Variants in HNRNPA3 observed in about 807,000 individuals in gnomAD.
HNRNPA3 encodes the protein epididymis secretory sperm binding protein.
In HNRNPA3, 3 loss-of-function variants were observed where a neutral mutation model predicts 45.8. The observed-to-expected ratio is 0.07, with a 90% CI of 0.03 to 0.17. The LOEUF is 0.17. Ranked by LOEUF, HNRNPA3 falls within the 10% of genes least tolerant of loss-of-function variation. The pLI is 1.00. For synonymous variants in HNRNPA3, 170 were observed against 155.6 expected (o/e 1.09, Z -0.69); for missense variants, 183 against 480.3 (o/e 0.38, Z 5.79).
rs1281410240 is a variant in HNRNPA3 at position 177,218,071 on chromosome 2, T to C, written c.961+226T>C. Among the ~76,000 whole-genome samples the C allele has an allele frequency of 4.4e-5, 3 of 68,276 alleles. 1 individual carries two copies. Among genetic ancestry groups the C allele is most frequent in the Admixed American group, 1.7e-4 (1 of 5,766 alleles). 44.8% of individuals were successfully genotyped at this position (68,276 alleles called of 152,430 possible). ...TTTTTTCTTTTTTTTTTTTTTTTTT[T>C]TTTTTTTTGAGATGGAGTCTTGCTC... On this transcript the variant is annotated intron_variant, in intron 8 of 10. Coordinates refer to ENST00000392524, the Ensembl canonical transcript of HNRNPA3.
In HNRNPA3 at chr2:177,216,198, A is replaced by G. The variant is rs769469365; in HGVS notation, c.553+10A>G. On this transcript the variant is annotated intron_variant, in intron 4 of 10. Transcript: ENST00000392524. Reference sequence around the variant, plus strand: ...GTTGATAAAATTGTTGGTAAGTAGCAATTTATGGTAACTTGAATGAGAAAG... The same window carrying G: ...GTTGATAAAATTGTTGGTAAGTAGCGATTTATGGTAACTTGAATGAGAAAG... The G allele has an allele frequency of 4.7e-5, 71 of 1,507,130 alleles. No individual in the cohort carries two copies. The highest frequency in any genetic ancestry group is 3.4e-4 in the Middle Eastern group (2 of 5,880). 93.4% of individuals were successfully genotyped at this position (1,507,130 alleles called of 1,614,324 possible).
chr2:177,216,455 C>G (rs888952756), intron 4 of HNRNPA3, 48 bp from the exon 5 acceptor site: 1 of 1,415,446 alleles, frequency 7.1e-7, no homozygotes, highest in Non-Finnish European at 9.9e-7. Context: ...ATGTGCTTTT[C>G]CAAACATAAA....
chr2:177,214,127 G>C (rs998912623), intron 1 of HNRNPA3, among the ~76,000 whole-genome samples: 1 of 152,198 alleles, frequency 6.6e-6, no homozygotes, highest in African/African-American at 2.4e-5. Context: ...TTAAATGACA[G>C]TTCATGCAAT....
At chr2:177,219,343 GAT>G in intron 10 of HNRNPA3, 29 bp downstream of exon 10, 1 of 1,496,646 alleles carries the variant, frequency 6.7e-7, no homozygotes. Context: ...TTATTATGAT[GAT>G]AAAAGAATAT....
downstream of HNRNPA3, chr2:177,221,742 T>G (rs1465377023): frequency 1.3e-5 from 2 of 152,574 alleles, no homozygotes; most frequent in East Asian, 1.9e-4. Context: ...TCAGCATAAA[T>G]AAAGAATGAC....
At chr2:177,222,952 AAAC>A (rs1351882289), downstream of HNRNPA3, 2 of 152,616 alleles carry the variant, frequency 1.3e-5, no homozygotes, top group Non-Finnish European at 2.9e-5. Flanking sequence ...TCCTTTGTAA[AAAC>A]ACATTTTCCC....
rs1036262907 is a variant in HNRNPA3 at position 177,216,436 on chromosome 2, A to G, written c.554-67A>G. ...AATGGGTTACATAATGACAGAGGGT[A>G]TCTCATATATGTGCTTTTCCAAACA... On this transcript the variant is annotated intron_variant, in intron 4 of 10. Coordinates refer to ENST00000392524, the Ensembl canonical transcript of HNRNPA3. The G allele has an allele frequency of 7.0e-5, 78 of 1,107,098 alleles. 1 individual carries two copies. Among genetic ancestry groups the G allele is most frequent in the Non-Finnish European group, 1.5e-5 (11 of 742,044 alleles). The allele number at this position is 1,107,098 out of a possible 1,614,324, so 68.6% of individuals were successfully genotyped here.
At chr2:177,221,895 C>G (rs1292674399), downstream of HNRNPA3, 2 of 152,624 alleles carry the variant, frequency 1.3e-5, no homozygotes, top group Non-Finnish European at 2.9e-5. Context: ...AGCTCTTCGC[C>G]TTTTGGAACA....
At chr2:177,218,062 T>C (rs1194516950) in intron 8 of HNRNPA3, among the ~76,000 whole-genome samples, 62 of 16,806 alleles carry the variant, frequency 3.7e-3, no homozygotes, top group Admixed American at 6.4e-3. Flanking sequence ...CTTTTTTTTT[T>C]TTTTTTTTTT....
At chr2:177,220,680 T>A (rs1049431933), downstream of HNRNPA3, 42 of 152,732 alleles carry the variant, frequency 2.7e-4, no homozygotes, top group African/African-American at 9.9e-4. Flanking sequence ...CCTACAGACC[T>A]GAATTCAAAT....
chr2:177,216,200 T>A lies in HNRNPA3; in HGVS notation c.553+12T>A, dbSNP rs1364152182. The A allele has an allele frequency of 6.6e-7, 1 of 1,509,994 alleles. No homozygotes were observed. Among genetic ancestry groups the A allele is most frequent in the Non-Finnish European group, 9.0e-7 (1 of 1,106,134 alleles). 93.5% of individuals were successfully genotyped at this position (1,509,994 alleles called of 1,614,324 possible). On this transcript the variant is annotated intron_variant, in intron 4 of 10. Coordinates refer to ENST00000392524, the Ensembl canonical transcript of HNRNPA3. ...TGATAAAATTGTTGGTAAGTAGCAA[T>A]TTATGGTAACTTGAATGAGAAAGTA...
At chr2:177,220,942 C>T (rs1558972414), downstream of HNRNPA3, 1 of 152,564 alleles carries the variant, frequency 6.6e-6, no homozygotes, top group Non-Finnish European at 1.5e-5. Flanking sequence ...ACGTTGAATT[C>T]AAGTCTTTTG....
intron 7 of HNRNPA3, among the ~76,000 whole-genome samples, chr2:177,217,383 C>T (rs909495511): frequency 1.3e-5 from 2 of 152,174 alleles, no homozygotes; most frequent in African/African-American, 4.8e-5. Context: ...TTGAGTAATT[C>T]TAGCTATTCA....
chr2:177,213,908 G>A (rs1480649474), intron 1 of HNRNPA3, among the ~76,000 whole-genome samples: 5 of 152,154 alleles, frequency 3.3e-5, no homozygotes, highest in Non-Finnish European at 7.4e-5. Context: ...TTTCGTTATT[G>A]TCAATCGAAT....
intron 7 of HNRNPA3, among the ~76,000 whole-genome samples, chr2:177,217,356 G>A (rs1688985029): frequency 6.6e-6 from 1 of 152,214 alleles, no homozygotes; most frequent in South Asian, 2.1e-4. Flanking sequence ...TGGCTTAAAT[G>A]TAATATAAAA....
At chr2:177,213,038 C>T (rs1688748939) in intron 1 of HNRNPA3, among the ~76,000 whole-genome samples, 167 bp downstream of exon 1, 1 of 152,042 alleles carries the variant, frequency 6.6e-6, no homozygotes, top group Admixed American at 6.5e-5. Context: ...CTTGGGGCCC[C>T]TCGCCCGCCT....
At chr2:177,213,827 G>A (rs1688800028) in intron 1 of HNRNPA3, among the ~76,000 whole-genome samples, 1 of 152,212 alleles carries the variant, frequency 6.6e-6, no homozygotes, top group African/African-American at 2.4e-5. Flanking sequence ...TTATTTAGAG[G>A]ACTGCAACCA....
chr2:177,218,608 T>C (rs1258497089), intron 8 of HNRNPA3, among the ~76,000 whole-genome samples: 1 of 152,222 alleles, frequency 6.6e-6, no homozygotes, highest in Non-Finnish European at 1.5e-5. Context: ...TCACAGGTAG[T>C]TGAAGCGTTT....
intron 8 of HNRNPA3, among the ~76,000 whole-genome samples, chr2:177,218,766 GT>G (rs1322902108): frequency 1.3e-5 from 2 of 152,192 alleles, no homozygotes. Flanking sequence ...TGTTTTAAAT[GT>G]TATACTGCTT....
Sources: gnomAD v4.1 joint callset for allele counts (sites outside exome capture counted in the v4.1 genomes callset) on GRCh38, gnomAD v4.1.1 for gene constraint, MANE v1.5 for transcripts, NCBI Gene and HGNC (gene_info 2026-07-23, HGNC 2026-07-21) for gene names.